HLA-DMA: variants seen among roughly 807,000 people sequenced by gnomAD.
HLA-DMA encodes the protein HLA class II histocompatibility antigen, DM alpha chain.
In HLA-DMA, 20 loss-of-function variants were observed where a neutral mutation model predicts 27.3. The observed-to-expected ratio is 0.73, with a 90% confidence interval of 0.52 to 1.07. The LOEUF (loss-of-function observed/expected upper bound fraction) is 1.07. Among genes scored for constraint, HLA-DMA ranks in the 50% least tolerant of loss-of-function variants. The pLI is 0.00. For synonymous variants in HLA-DMA, 111 were observed against 126.8 expected (o/e 0.88, Z 0.83); for missense variants, 241 against 321.7 (o/e 0.75, Z 1.92).
rs72548073 is a variant in HLA-DMA at position 32,948,767 on chromosome 6, C to CTTG, written c.*96_*97insCAA. On this transcript the variant is annotated 3_prime_UTR_variant, in exon 5 of 5. Coordinates refer to ENST00000374843, the MANE Select transcript of HLA-DMA (RefSeq NM_006120.4). ...CACCCCAGGGATGTCCCAGAGACTT[C>CTTG]TACCCTAAGAGGAGATCCTGGGCAG... The CTTG allele has an allele frequency of 6.8e-7, 1 of 1,470,590 alleles. No individual in the cohort carries two copies. The highest frequency in any genetic ancestry group is 1.4e-5 in the African/African-American group (1 of 71,804). The allele number at this position is 1,470,590 out of a possible 1,614,324, so 91.1% of individuals were successfully genotyped here. A position where few individuals can be genotyped will look rare whatever the true frequency, so the allele number is the denominator to read the frequency against.
intron 1 of HLA-DMA, among the ~76,000 whole-genome samples, chr6:32,952,087 C>T (rs1348512847): frequency 6.6e-6 from 1 of 152,190 alleles, no homozygotes; most frequent in Non-Finnish European, 1.5e-5. Context: ...CCATGCCATA[C>T]ATCCTGGCAT....
At position 32,948,734 on chromosome 6, in the gene HLA-DMA, TAC is replaced by T; in HGVS notation, c.*128_*129del. The T allele has an allele frequency of 7.9e-6, 9 of 1,139,810 alleles. No individual in the cohort carries two copies. Among genetic ancestry groups the T allele is most frequent in the Non-Finnish European group, 1.1e-5 (8 of 758,440 alleles). 70.6% of individuals were successfully genotyped at this position (1,139,810 alleles called of 1,614,324 possible). ...CAGCAGAGTCCCCAGGTGGGAAATC[TAC>T]ACACACACCCCAGGGATGTCCCAGA... On this transcript the variant is annotated 3_prime_UTR_variant, in exon 5 of 5. Transcript: ENST00000374843.
At chr6:32,948,892 G>A (rs1484497141) in intron 4 of HLA-DMA, 24 bp from the exon 5 acceptor site, 2 of 1,612,680 alleles carry the variant, frequency 1.2e-6, no homozygotes, top group Non-Finnish European at 8.5e-7. Flanking sequence ...AGGGATGGAG[G>A]AAAGGCATCA....
In HLA-DMA at chr6:32,949,482, A is replaced by T. The variant is rs1321077598; in HGVS notation, c.653-83T>A. On this transcript the variant is annotated intron_variant, in intron 3 of 4. Transcript: ENST00000374843. The surrounding 1 kb of genome is among the most constrained non-coding windows in gnomAD (Gnocchi z 5.8). Reference sequence around the variant, plus strand: ...AAATGACGTGGGTGTCTGGGATGACATGGGAGACTGGGATGGGCTTAGGGT... The same window carrying T: ...AAATGACGTGGGTGTCTGGGATGACTTGGGAGACTGGGATGGGCTTAGGGT... The T allele has an allele frequency of 1.5e-5, 24 of 1,602,348 alleles. No individual in the cohort carries two copies. The highest frequency in any genetic ancestry group is 1.8e-5 in the Non-Finnish European group (21 of 1,170,812).
At chr6:32,952,828 C>A in intron 1 of HLA-DMA, 121 bp downstream of exon 1, 1 of 725,494 alleles carries the variant, frequency 1.4e-6, no homozygotes, top group Non-Finnish European at 2.5e-6. Context: ...TTTCCCCACT[C>A]CCCTGTTGTT....
In HLA-DMA at chr6:32,949,973, G is replaced by T; in HGVS notation, c.374-84C>A. 2.2e-6 allele frequency: 3 copies of T among 1,363,662 alleles called. No individual in the cohort carries two copies. Among genetic ancestry groups the T allele is most frequent in the Non-Finnish European group, 3.1e-6 (3 of 978,778 alleles). 84.5% of individuals were successfully genotyped at this position (1,363,662 alleles called of 1,614,324 possible). On this transcript the variant is annotated intron_variant, in intron 2 of 4. Transcript: ENST00000374843. This position sits in a 1 kb window ranked among gnomAD's most constrained non-coding sequence, Gnocchi z 5.8. ...GTTTGGAGGGGCCATGGCATATGGA[G>T]GGGAGGGCAGAGAAGAACACAGTGG...
Position 32,950,693 on chromosome 6 carries a change from G to A in HLA-DMA, c.199C>T (p.Gln67Ter). 6.2e-7 allele frequency: 1 copy of A among 1,613,084 alleles called. No individual in the cohort carries two copies. Among genetic ancestry groups the A allele is most frequent in the Non-Finnish European group, 8.5e-7 (1 of 1,180,044 alleles). Residue 67 changes from glutamine (Q) to a stop codon, truncating the protein, a stop_gained, in exon 2 of 5, where the codon CAG (glutamine) becomes TAG (stop). Transcript: ENST00000374843. LOFTEE classifies it high-confidence loss of function. This position sits in a 1 kb window ranked among gnomAD's most constrained non-coding sequence, Gnocchi z 5.0. ...TGGGAAAAGTCGAAGAAGAAAAGCT[G>A]GTCCTCGTCGTAGGCCTCAGAGAGT... ...VGLSEAYDED[Q>*]LFFFDFSQNT...
chr6:32,952,343 C>T, intron 1 of HLA-DMA: 1 of 471,290 alleles, frequency 2.1e-6, no homozygotes, highest in Admixed American at 2.3e-5. Flanking sequence ...AAAATGTCTT[C>T]TGTTCCTTAA....
intron 4 of HLA-DMA, 41 bp from the exon 5 acceptor site, chr6:32,948,909 C>CCATCCT (rs1376840855): frequency 1.2e-6 from 2 of 1,606,808 alleles, no homozygotes; most frequent in Non-Finnish European, 1.7e-6. Flanking sequence ...ATCAGGGGAT[C>CCATCCT]CATCCTCCTC....
rs1326892255 is a variant in HLA-DMA, at chr6:32,950,670, G to C, written c.222C>G (p.Ser74=). The C allele has an allele frequency of 6.2e-7, 1 of 1,613,082 alleles. No individual in the cohort carries two copies. The highest frequency in any genetic ancestry group is 1.7e-5 in the Admixed American group (1 of 60,028). ...DEDQLFFFDF[S]QNTRVPRLPE... Reference sequence around the variant, plus strand: ...GCAGGCGAGGCACCCGAGTGTTCTGGGAAAAGTCGAAGAAGAAAAGCTGGT... The same window carrying C: ...GCAGGCGAGGCACCCGAGTGTTCTGCGAAAAGTCGAAGAAGAAAAGCTGGT... The change falls in exon 2 of 5, where the codon TCC becomes TCG. Residue 74 remains serine, a synonymous_variant. Coordinates refer to ENST00000374843, the MANE Select transcript of HLA-DMA (RefSeq NM_006120.4). The surrounding 1 kb of genome is among the most constrained non-coding windows in gnomAD (Gnocchi z 5.0).
In HLA-DMA at chr6:32,949,675, A is replaced by C; in HGVS notation, c.588T>G (p.Pro196=). The stretch of plus-strand genomic sequence containing the variant: ...TCACAATGCAGGAGAAAATGTCAGA[A>C]GGTTCTGGTGTGAAGTTTAAGTAAG... ...AFSYLNFTPE[P]SDIFSCIVTH... is the part of the protein sequence containing the mutation. The change falls in exon 3 of 5, where the codon CCT becomes CCG. Residue 196 remains proline (P), a synonymous_variant. Transcript: ENST00000374843. This position sits in a 1 kb window ranked among gnomAD's most constrained non-coding sequence, Gnocchi z 5.8. 10 of 1,613,108 alleles carry C rather than the reference A, an allele frequency of 6.2e-6. No homozygotes were observed. The highest frequency in any genetic ancestry group is 8.5e-6 in the Non-Finnish European group (10 of 1,180,034).
Position 32,949,532 on chromosome 6 carries a change from G to A in HLA-DMA, c.652+79C>T. 1 of 1,589,370 alleles carries A rather than the reference G, an allele frequency of 6.3e-7. No individual in the cohort carries two copies. Among genetic ancestry groups the A allele is most frequent in the Non-Finnish European group, 8.6e-7 (1 of 1,161,724 alleles). ...TAGGAATGGACTAAACAAGGTACCA[G>A]TGGAGAAAGAAGCCTCCTCCCATGG... On this transcript the variant is annotated intron_variant, in intron 3 of 4. Coordinates refer to ENST00000374843, the MANE Select transcript of HLA-DMA (RefSeq NM_006120.4). The surrounding 1 kb of genome is among the most constrained non-coding windows in gnomAD (Gnocchi z 5.8).
Position 32,949,535 on chromosome 6 carries a change from G to A in HLA-DMA, c.652+76C>T. 6.3e-7 allele frequency: 1 copy of A among 1,594,800 alleles called. No individual in the cohort carries two copies. The highest frequency in any genetic ancestry group is 8.6e-7 in the Non-Finnish European group (1 of 1,166,616). On this transcript the variant is annotated intron_variant, in intron 3 of 4. Transcript: ENST00000374843. This position sits in a 1 kb window ranked among gnomAD's most constrained non-coding sequence, Gnocchi z 5.8. The stretch of plus-strand genomic sequence containing the variant: ...GAATGGACTAAACAAGGTACCAGTG[G>A]AGAAAGAAGCCTCCTCCCATGGATC...
rs928870958 is a variant in HLA-DMA at position 32,949,938 on chromosome 6, G to A, written c.374-49C>T. On this transcript the variant is annotated intron_variant, in intron 2 of 4. Transcript: ENST00000374843. This position sits in a 1 kb window ranked among gnomAD's most constrained non-coding sequence, Gnocchi z 5.8. ...GGGGAAAAAGAGACTAGTTTAGATG[G>A]TATCTCTGTGTTTGGAGGGGCCATG... 6.3e-7 allele frequency: 1 copy of A among 1,584,538 alleles called. No individual in the cohort carries two copies. Among genetic ancestry groups the A allele is most frequent in the Non-Finnish European group, 8.6e-7 (1 of 1,160,330 alleles).
At position 32,950,882 on chromosome 6, in the gene HLA-DMA, C is replaced by G. The variant is rs562261177; in HGVS notation, c.89-79G>C. ...TAAAAAACAGCAAGGTGGGGCTAGG[C>G]GCAGTGGCTCATGCCTGTAATCCCA... is the stretch of plus-strand genomic sequence containing the variant. On this transcript the variant is annotated intron_variant, in intron 1 of 4. Coordinates refer to ENST00000374843, the MANE Select transcript of HLA-DMA (RefSeq NM_006120.4). This position sits in a 1 kb window ranked among gnomAD's most constrained non-coding sequence, Gnocchi z 5.0. The G allele has an allele frequency of 2.8e-6, 4 of 1,437,672 alleles. No individual in the cohort carries two copies. The African/African-American group carries it at 4.2e-5, about 15-fold the overall frequency. The allele number at this position is 1,437,672 out of a possible 1,614,324, so 89.1% of individuals were successfully genotyped here.
Position 32,948,753 on chromosome 6 carries a change from T to C in HLA-DMA, c.*111A>G. 2 of 1,188,520 alleles carry C rather than the reference T, an allele frequency of 1.7e-6. No individual in the cohort carries two copies. The highest frequency in any genetic ancestry group is 2.4e-6 in the Non-Finnish European group (2 of 840,654). The allele number at this position is 1,188,520 out of a possible 1,614,324, so 73.6% of individuals were successfully genotyped here. A position where few individuals can be genotyped will look rare whatever the true frequency, so the allele number is the denominator to read the frequency against. On this transcript the variant is annotated 3_prime_UTR_variant, in exon 5 of 5. Coordinates refer to ENST00000374843, the MANE Select transcript of HLA-DMA (RefSeq NM_006120.4). ...GAAATCTACACACACACCCCAGGGA[T>C]GTCCCAGAGACTTCTACCCTAAGAG... is the stretch of plus-strand genomic sequence containing the variant.
rs1776794995 is a variant in HLA-DMA, at chr6:32,949,478, T to A, written c.653-79A>T. ...AGGGAAATGACGTGGGTGTCTGGGA[T>A]GACATGGGAGACTGGGATGGGCTTA... On this transcript the variant is annotated intron_variant, in intron 3 of 4. Transcript: ENST00000374843. This position sits in a 1 kb window ranked among gnomAD's most constrained non-coding sequence, Gnocchi z 5.8. The A allele has an allele frequency of 1.2e-6, 2 of 1,604,398 alleles. No homozygotes were observed. Among genetic ancestry groups the A allele is most frequent in the Non-Finnish European group, 1.7e-6 (2 of 1,172,680 alleles).
rs1352639764 is a variant in HLA-DMA, at chr6:32,950,792, T to A, written c.100A>T (p.Met34Leu). The change falls in exon 2 of 5, where the codon ATG (methionine) becomes TTG (leucine). Residue 34 changes from methionine to leucine, a missense_variant. Physicochemically the swap from Met to Leu is conservative, Grantham distance 15. Coordinates refer to ENST00000374843, the MANE Select transcript of HLA-DMA (RefSeq NM_006120.4). The surrounding 1 kb of genome is among the most constrained non-coding windows in gnomAD (Gnocchi z 5.0). Reference protein sequence around the residue: ...SWAVPEAPTPMWPDDLQNHTF... With the variant: ...SWAVPEAPTPLWPDDLQNHTF... ...TGGTTTTGCAGGTCATCTGGCCACATTGGAGTAGGAGCTGCAAAGGACACA... is the reference window on the plus strand; with the variant it reads ...TGGTTTTGCAGGTCATCTGGCCACAATGGAGTAGGAGCTGCAAAGGACACA... The A allele has an allele frequency of 6.2e-7, 1 of 1,611,536 alleles. No individual in the cohort carries two copies. Among genetic ancestry groups the A allele is most frequent in the Non-Finnish European group, 8.5e-7 (1 of 1,178,776 alleles).
chr6:32,953,070 A>G lies in HLA-DMA; in HGVS notation c.-34T>C. The stretch of plus-strand genomic sequence containing the variant: ...GCCACACAGTAGGTAGGAGCTACCA[A>G]CCCAGCCAACCCAGCTTCCCCAACT... On this transcript the variant is annotated 5_prime_UTR_variant, in exon 1 of 5. Coordinates refer to ENST00000374843, the MANE Select transcript of HLA-DMA (RefSeq NM_006120.4). 6.6e-7 allele frequency: 1 copy of G among 1,513,756 alleles called. No homozygotes were observed. The highest frequency in any genetic ancestry group is 9.1e-7 in the Non-Finnish European group (1 of 1,094,650). The allele number at this position is 1,513,756 out of a possible 1,614,324, so 93.8% of individuals were successfully genotyped here. A position where few individuals can be genotyped will look rare whatever the true frequency, so the allele number is the denominator to read the frequency against.
Sources: allele counts gnomAD v4.1 joint callset (sites outside exome capture counted in the v4.1 genomes callset), GRCh38; gene constraint gnomAD v4.1.1; non-coding constraint Gnocchi (gnomAD v3.1); transcripts MANE v1.5; gene names NCBI Gene and HGNC (gene_info 2026-07-23, HGNC 2026-07-21).